Variants in IMMP2L observed in about 807,000 individuals in gnomAD.
IMMP2L encodes the protein mitochondrial inner membrane protease subunit 2.
In IMMP2L, 18 loss-of-function variants were observed where a neutral mutation model predicts 19.3. The observed-to-expected ratio is 0.93, with a 90% CI of 0.64 to 1.38. The LOEUF (loss-of-function observed/expected upper bound fraction) is 1.38, where lower values mean the gene tolerates loss of function less well. Ranked by LOEUF, IMMP2L falls within the 40% of genes most tolerant of loss-of-function variation. The probability of loss-of-function intolerance (pLI) is 0.00; values close to 1 mark genes in which losing one functional copy is unlikely to be tolerated. For synonymous variants in IMMP2L, 76 were observed against 73.0 expected (o/e 1.04, Z -0.21); for missense variants, 233 against 218.2 (o/e 1.07, Z -0.43).
Position 111,556,018 on chromosome 7 carries a change from G to GTGTATATATA in IMMP2L, c.-3+5832_-3+5833insTATATATACA, listed in dbSNP as rs777862357. 4.4e-4 allele frequency among the ~76,000 whole-genome samples: 40 copies of GTGTATATATA among 91,364 alleles called. 2 individuals carry two copies. Among genetic ancestry groups the GTGTATATATA allele is most frequent in the South Asian group, 2.1e-3 (5 of 2,360 alleles). The allele number at this position is 91,364 out of a possible 152,430, so 59.9% of individuals were successfully genotyped here. A position where few individuals can be genotyped will look rare whatever the true frequency, so the allele number is the denominator to read the frequency against. On this transcript the variant is annotated intron_variant, in intron 1 of 5. Coordinates refer to ENST00000405709, the MANE Select transcript of IMMP2L (RefSeq NM_032549.4). ...TTAGCCATCCCTCTTCTGTGTGCAT[G>GTGTATATATA]TATATATATATATATATACATACCC... is the stretch of plus-strand genomic sequence containing the variant.
intron 5 of IMMP2L, among the ~76,000 whole-genome samples, chr7:110,874,056 TA>T (rs762572904): frequency 1.1e-4 from 16 of 152,094 alleles, no homozygotes; most frequent in East Asian, 3.9e-4. Flanking sequence ...ATATATAGGG[TA>T]TTTTTTTGTG....
chr7:111,446,249 G>C (rs925176444), intron 3 of IMMP2L, among the ~76,000 whole-genome samples: 45 of 151,800 alleles, frequency 3.0e-4, no homozygotes, highest in African/African-American at 1.0e-3. Context: ...CCACCTCTGG[G>C]GGCAGGGCAC....
chr7:111,562,052 A>G lies in IMMP2L; in HGVS notation c.-204T>C, dbSNP rs1292325198. On this transcript the variant is annotated 5_prime_UTR_variant, in exon 1 of 6. Coordinates refer to ENST00000405709, the MANE Select transcript of IMMP2L (RefSeq NM_032549.4). Reference sequence around the variant, plus strand: ...GCCCCCACAGCGCTCCCTCACGGCCAGAGCCGGGGGCCGGACTAGGCCCCT... The same window carrying G: ...GCCCCCACAGCGCTCCCTCACGGCCGGAGCCGGGGGCCGGACTAGGCCCCT... 2 of 152,394 alleles carry G rather than the reference A, an allele frequency of 1.3e-5. No individual in the cohort carries two copies. The highest frequency in any genetic ancestry group is 1.5e-5 in the Non-Finnish European group (1 of 68,126). 9.4% of individuals were successfully genotyped at this position (152,394 alleles called of 1,614,324 possible).
intron 3 of IMMP2L, among the ~76,000 whole-genome samples, chr7:111,338,332 C>T (rs1826661975): frequency 6.6e-6 from 1 of 151,928 alleles, no homozygotes; most frequent in African/African-American, 2.4e-5. Context: ...GTTCCTCCCC[C>T]CCTTTTTTTG....
At chr7:111,481,774 C>T (rs890151808) in intron 3 of IMMP2L, among the ~76,000 whole-genome samples, 5 of 152,116 alleles carry the variant, frequency 3.3e-5, no homozygotes, top group African/African-American at 1.2e-4. Context: ...TATCTTAGTT[C>T]ACTTCAGACA....
At chr7:110,907,811 T>C (rs1355089904) in intron 4 of IMMP2L, among the ~76,000 whole-genome samples, 1 of 152,180 alleles carries the variant, frequency 6.6e-6, no homozygotes, top group African/African-American at 2.4e-5. Flanking sequence ...AGTACTCAGA[T>C]TTGCATTTCA....
chr7:110,756,647 C>T (rs1798059774), intron 5 of IMMP2L, among the ~76,000 whole-genome samples: 1 of 152,080 alleles, frequency 6.6e-6, no homozygotes. Flanking sequence ...GGAAATAAAC[C>T]TTACAAAACT....
intron 3 of IMMP2L, among the ~76,000 whole-genome samples, chr7:111,240,661 T>C (rs891039581): frequency 2.0e-5 from 3 of 151,966 alleles, no homozygotes; most frequent in African/African-American, 7.2e-5. Flanking sequence ...CCATTTTCTT[T>C]TAACAGATTT....
intron 3 of IMMP2L, among the ~76,000 whole-genome samples, chr7:111,284,936 G>T (rs1210465628): frequency 6.6e-6 from 1 of 152,124 alleles, no homozygotes; most frequent in Non-Finnish European, 1.5e-5. Context: ...AATGAAAAGG[G>T]AGAAATGCAA....
chr7:111,353,658 TA>T (rs1828405399), intron 3 of IMMP2L, among the ~76,000 whole-genome samples: 1 of 152,080 alleles, frequency 6.6e-6, no homozygotes, highest in African/African-American at 2.4e-5. Flanking sequence ...GTAATGGCAA[TA>T]AGGTTCCGTC....
At chr7:111,075,595 C>T (rs1795332917) in intron 3 of IMMP2L, among the ~76,000 whole-genome samples, 1 of 152,186 alleles carries the variant, frequency 6.6e-6, no homozygotes, top group Non-Finnish European at 1.5e-5. Context: ...GCCTCCATAA[C>T]ACTAGGCTCT....
At chr7:110,682,854 A>G (rs925782952) in intron 5 of IMMP2L, among the ~76,000 whole-genome samples, 1 of 152,088 alleles carries the variant, frequency 6.6e-6, no homozygotes, top group Non-Finnish European at 1.5e-5. Context: ...CAAGAGCACT[A>G]AGGGCAGATA....
intron 3 of IMMP2L, among the ~76,000 whole-genome samples, chr7:111,065,300 T>A (rs1470327199): frequency 1.3e-5 from 2 of 152,220 alleles, no homozygotes; most frequent in Non-Finnish European, 2.9e-5. Context: ...GGTTTGGGGA[T>A]TGGTGCATTT....
At chr7:111,164,708 T>C (rs748310336) in intron 3 of IMMP2L, among the ~76,000 whole-genome samples, 1 of 152,002 alleles carries the variant, frequency 6.6e-6, no homozygotes, top group African/African-American at 2.4e-5. Flanking sequence ...TAATTAATTA[T>C]AGGAATCAGG....
chr7:111,337,351 C>T (rs548280247), intron 3 of IMMP2L, among the ~76,000 whole-genome samples: 1 of 151,894 alleles, frequency 6.6e-6, no homozygotes, highest in African/African-American at 2.4e-5. Context: ...GAAATTATGC[C>T]ATAATCACCC....
At chr7:110,944,199 G>A (rs1012501209) in intron 4 of IMMP2L, among the ~76,000 whole-genome samples, 5 of 151,984 alleles carry the variant, frequency 3.3e-5, no homozygotes, top group African/African-American at 9.6e-5. Context: ...GGACCTCAGG[G>A]AGCTCACAGA....
intron 5 of IMMP2L, among the ~76,000 whole-genome samples, chr7:110,771,337 T>C (rs1205417780): frequency 6.6e-6 from 1 of 152,032 alleles, no homozygotes; most frequent in Non-Finnish European, 1.5e-5. Context: ...ATGCCTCTAA[T>C]CAATAAAGCT....
intron 3 of IMMP2L, among the ~76,000 whole-genome samples, chr7:111,218,193 C>A (rs1333167353): frequency 6.6e-6 from 1 of 151,944 alleles, no homozygotes; most frequent in Non-Finnish European, 1.5e-5. Context: ...ACAAGTGTCC[C>A]AAGTATCTGC....
At chr7:110,821,842 G>A (rs1206439740) in intron 5 of IMMP2L, among the ~76,000 whole-genome samples, 4 of 152,110 alleles carry the variant, frequency 2.6e-5, no homozygotes, top group Non-Finnish European at 4.4e-5. Flanking sequence ...AGAATCGCTT[G>A]AACCCAGTAG....
Sources: gnomAD v4.1 joint callset for allele counts (sites outside exome capture counted in the v4.1 genomes callset) on GRCh38, gnomAD v4.1.1 for gene constraint, MANE v1.5 for transcripts, NCBI Gene and HGNC (gene_info 2026-07-23, HGNC 2026-07-21) for gene names.